The following SMOC2 variants were observed in gnomAD, a reference collection of about 807,000 sequenced individuals.
SMOC2 encodes the protein SPARC-related modular calcium-binding protein 2.
A neutral mutation model predicts 61.4 loss-of-function variants in SMOC2; 39 were observed. The observed-to-expected ratio is 0.64, with a 90% CI of 0.49 to 0.83. The LOEUF is 0.83. Ranked by LOEUF, SMOC2 falls within the 40% of genes least tolerant of loss-of-function variation. The pLI, the probability that SMOC2 is intolerant of heterozygous loss-of-function variation, is 0.00. For synonymous variants in SMOC2, 247 were observed against 239.9 expected (o/e 1.03, Z -0.27); for missense variants, 556 against 592.9 (o/e 0.94, Z 0.65).
intron 9 of SMOC2, among the ~76,000 whole-genome samples, chr6:168,616,898 G>A (rs562525128): frequency 1.3e-5 from 2 of 152,324 alleles, no homozygotes; most frequent in Non-Finnish European, 2.9e-5. Flanking sequence ...CTGCGGGGGG[G>A]TTGCAGGGAG....
chr6:168,533,612 T>A (rs1783662304), intron 4 of SMOC2, among the ~76,000 whole-genome samples: 1 of 152,158 alleles, frequency 6.6e-6, no homozygotes, highest in Non-Finnish European at 1.5e-5. Flanking sequence ...CTGGTAGAAA[T>A]CATTCAGGGC....
At chr6:168,644,551 G>A (rs1786974818) in intron 9 of SMOC2, among the ~76,000 whole-genome samples, 1 of 152,020 alleles carries the variant, frequency 6.6e-6, no homozygotes, top group African/African-American at 2.4e-5. Flanking sequence ...TCAGGGTCAG[G>A]GAGAAACTAC....
intron 9 of SMOC2, among the ~76,000 whole-genome samples, chr6:168,612,622 G>C (rs141561961): frequency 3.6e-4 from 55 of 152,248 alleles, no homozygotes; most frequent in Non-Finnish European, 4.0e-4. Flanking sequence ...CACTGGGTTC[G>C]TGATCTCCAT....
intron 7 of SMOC2, among the ~76,000 whole-genome samples, chr6:168,559,509 A>T (rs1417399391): frequency 6.6e-6 from 1 of 152,136 alleles, no homozygotes; most frequent in Non-Finnish European, 1.5e-5. Context: ...ATAGTAACAT[A>T]GTAGAAGAGA....
intron 1 of SMOC2, among the ~76,000 whole-genome samples, chr6:168,489,846 G>T (rs13194480): frequency 6.9e-6 from 1 of 143,954 alleles, no homozygotes; most frequent in Non-Finnish European, 1.5e-5. Context: ...GAAATATATC[G>T]AATCATCTGG....
intron 1 of SMOC2, among the ~76,000 whole-genome samples, chr6:168,495,667 C>G (rs963399474): frequency 6.6e-6 from 1 of 152,102 alleles, no homozygotes; most frequent in Non-Finnish European, 1.5e-5. Flanking sequence ...CTGCGTCTGC[C>G]ACTCCCACAC....
At chr6:168,615,813 A>C (rs200600743) in intron 9 of SMOC2, among the ~76,000 whole-genome samples, 34,599 of 143,280 alleles carry the variant, frequency 0.24, 5,021 homozygotes, top group Non-Finnish European at 0.25. Flanking sequence ...TTGCTGGCAT[A>C]ATTATCGTCT....
At chr6:168,655,912 A>T (rs1486070333) in intron 11 of SMOC2, among the ~76,000 whole-genome samples, 2 of 151,398 alleles carry the variant, frequency 1.3e-5, no homozygotes, top group African/African-American at 4.9e-5. Flanking sequence ...CCCACTGTAC[A>T]CATGTACTGG....
At chr6:168,589,326 A>G (rs1278912499) in intron 7 of SMOC2, among the ~76,000 whole-genome samples, 1 of 152,268 alleles carries the variant, frequency 6.6e-6, no homozygotes, top group Non-Finnish European at 1.5e-5. Context: ...CTGGGGCAGC[A>G]TAGTGTTCCC....
intron 7 of SMOC2, among the ~76,000 whole-genome samples, chr6:168,577,621 C>T (rs941142819): frequency 6.6e-6 from 1 of 152,238 alleles, no homozygotes; most frequent in Admixed American, 6.5e-5. Flanking sequence ...CACGCACCCT[C>T]ATCCTGGACT....
intron 1 of SMOC2, among the ~76,000 whole-genome samples, chr6:168,487,243 C>T (rs192706126): frequency 1.7e-3 from 254 of 152,326 alleles, no homozygotes; most frequent in African/African-American, 5.9e-3. Flanking sequence ...CTGATCTCAG[C>T]TGCGGATGGG....
chr6:168,626,354 G>T (rs868774614), intron 9 of SMOC2, among the ~76,000 whole-genome samples: 5 of 152,152 alleles, frequency 3.3e-5, no homozygotes, highest in African/African-American at 1.2e-4. Flanking sequence ...GTTTTTCCTC[G>T]TCAGGAATAA....
intron 8 of SMOC2, among the ~76,000 whole-genome samples, chr6:168,601,236 T>C (rs751218164): frequency 7.9e-5 from 12 of 152,246 alleles, no homozygotes; most frequent in Non-Finnish European, 1.3e-4. Flanking sequence ...CATCACCGTC[T>C]GGCCCGCTGG....
At chr6:168,617,129 T>C (rs954753897) in intron 9 of SMOC2, among the ~76,000 whole-genome samples, 7 of 152,242 alleles carry the variant, frequency 4.6e-5, no homozygotes, top group Admixed American at 2.0e-4. Flanking sequence ...TTTTGGCTGA[T>C]ATTTTGTCTT....
intron 1 of SMOC2, among the ~76,000 whole-genome samples, chr6:168,477,144 C>T (rs1782105596): frequency 6.6e-6 from 1 of 152,226 alleles, no homozygotes; most frequent in Admixed American, 6.5e-5. Context: ...TTGGTGTCAA[C>T]TAGGAACAGA....
At chr6:168,628,644 G>A (rs565996500) in intron 9 of SMOC2, among the ~76,000 whole-genome samples, 7 of 152,316 alleles carry the variant, frequency 4.6e-5, no homozygotes, top group South Asian at 4.1e-4. Context: ...AAGTCCCCAC[G>A]TCTCACTCTT....
At chr6:168,615,160 T>C in intron 9 of SMOC2, among the ~76,000 whole-genome samples, 1 of 51,976 alleles carries the variant, frequency 1.9e-5, no homozygotes, top group Non-Finnish European at 3.5e-5. Flanking sequence ...TCTTCACACC[T>C]ACAGCCAGCA....
chr6:168,465,089 A>T (rs2609307), intron 1 of SMOC2, among the ~76,000 whole-genome samples: 25,817 of 152,300 alleles, frequency 0.17, 2,836 homozygotes, highest in Non-Finnish European at 0.23. Context: ...TGCCCCATGG[A>T]AGGAAGGGAA....
rs142581819 is a variant in SMOC2 at position 168,535,277 on chromosome 6, A to G, written c.463+7550A>G. On this transcript the variant is annotated intron_variant, in intron 4 of 12. Transcript: ENST00000356284. This position sits in a 1 kb window ranked among gnomAD's most constrained non-coding sequence, Gnocchi z 4.6. ...GAGCCACCGTGCCCAGCCTCCAGAG[A>G]TATTTTATGTACATAAAAACAAGTA... is the stretch of plus-strand genomic sequence containing the variant. 9.2e-3 allele frequency among the ~76,000 whole-genome samples: 1,401 copies of G among 152,244 alleles called. 21 individuals are homozygous for G. Among genetic ancestry groups the G allele is most frequent in the African/African-American group, 0.032 (1,318 of 41,532 alleles).
Sources: allele counts gnomAD v4.1 joint callset (sites outside exome capture counted in the v4.1 genomes callset), GRCh38; gene constraint gnomAD v4.1.1; non-coding constraint Gnocchi (gnomAD v3.1); transcripts MANE v1.5; gene names NCBI Gene and HGNC (gene_info 2026-07-23, HGNC 2026-07-21).